The following ICA1 variants were observed in gnomAD, a reference collection of about 807,000 sequenced individuals.
ICA1 encodes the protein islet cell autoantigen 1.
In ICA1, 40 loss-of-function variants were observed where a neutral mutation model predicts 71.0. The ratio of observed to expected loss-of-function variants is 0.56; its 90% CI spans 0.44 to 0.73. The LOEUF is 0.73. Among genes scored for constraint, ICA1 ranks in the 30% least tolerant of loss-of-function variants. ICA1 has a pLI of 0.00. For synonymous variants in ICA1, 207 were observed against 209.5 expected, an observed-to-expected ratio of 0.99 and a Z score of 0.10; for missense variants, 578 against 576.5, an observed-to-expected ratio of 1.00 and a Z score of -0.03.
At chr7:8,143,782 T>G (rs1181544440) in intron 9 of ICA1, 93 bp downstream of exon 9, 1 of 764,154 alleles carries the variant, frequency 1.3e-6, no homozygotes, top group Non-Finnish European at 2.3e-6. Flanking sequence ...AAGACAAGTC[T>G]GCGTCTGAGG....
chr7:8,221,873 C>A (rs1236372527), intron 4 of ICA1, among the ~76,000 whole-genome samples: 3 of 152,062 alleles, frequency 2.0e-5, no homozygotes, highest in Non-Finnish European at 4.4e-5. Flanking sequence ...AGCTGTGACA[C>A]AGGTTTTTGG....
intron 6 of ICA1, among the ~76,000 whole-genome samples, chr7:8,170,216 T>C (rs1236921276): frequency 6.6e-6 from 1 of 152,066 alleles, no homozygotes; most frequent in Non-Finnish European, 1.5e-5. Context: ...TCTGTCCTTA[T>C]GCCAATACCA....
intron 12 of ICA1, among the ~76,000 whole-genome samples, chr7:8,133,040 G>T (rs1315612999): frequency 3.3e-5 from 5 of 152,218 alleles, no homozygotes; most frequent in Non-Finnish European, 7.3e-5. Context: ...AGGTGATTGG[G>T]TCATGAGGGC....
intron 6 of ICA1, among the ~76,000 whole-genome samples, chr7:8,186,555 G>A (rs543850415): frequency 2.8e-4 from 42 of 152,274 alleles, no homozygotes; most frequent in African/African-American, 9.9e-4. Flanking sequence ...CTATACAAAT[G>A]GAGACAGGGG....
intron 12 of ICA1, among the ~76,000 whole-genome samples, chr7:8,133,820 G>C (rs1792338824): frequency 6.9e-6 from 1 of 145,450 alleles, no homozygotes; most frequent in South Asian, 2.2e-4. Context: ...GGAACCTGAT[G>C]ATTTGTCCCA....
chr7:8,179,626 T>C (rs1039656199), intron 6 of ICA1, among the ~76,000 whole-genome samples: 7 of 152,228 alleles, frequency 4.6e-5, no homozygotes, highest in African/African-American at 1.4e-4. Context: ...TGTTTTCTTT[T>C]AGCATAATTA....
intron 5 of ICA1, among the ~76,000 whole-genome samples, chr7:8,220,836 G>C (rs758404340): frequency 2.6e-5 from 4 of 152,064 alleles, no homozygotes; most frequent in African/African-American, 9.7e-5. Context: ...GAGCAGTGTG[G>C]ACCTGGGCAT....
At chr7:8,169,929 T>TC in intron 6 of ICA1, among the ~76,000 whole-genome samples, 1 of 151,818 alleles carries the variant, frequency 6.6e-6, no homozygotes, top group African/African-American at 2.4e-5. Context: ...TGTGTGTGTT[T>TC]TAATGCCTGA....
intron 6 of ICA1, among the ~76,000 whole-genome samples, chr7:8,205,966 G>T (rs1281678949): frequency 6.6e-6 from 1 of 152,136 alleles, no homozygotes; most frequent in Non-Finnish European, 1.5e-5. Context: ...GTGTGGAGAT[G>T]GTTCCCTCTC....
At chr7:8,228,019 T>G (rs3823817) in intron 4 of ICA1, among the ~76,000 whole-genome samples, 27,921 of 152,106 alleles carry the variant, frequency 0.18, 6,779 homozygotes, top group African/African-American at 0.56. Flanking sequence ...CAAAAATATA[T>G]ACATTATATT....
chr7:8,152,654 CACCACCACCACCACCATT>C (rs1799457726), intron 8 of ICA1, among the ~76,000 whole-genome samples: 1 of 97,112 alleles, frequency 1.0e-5, no homozygotes, highest in Non-Finnish European at 2.2e-5. Flanking sequence ...CCACCACCAC[CACCACCACCACCACCATT>C]ATCTCCTTCA....
chr7:8,135,728 C>T lies in ICA1; in HGVS notation c.1060+3112G>A, dbSNP rs539429289. ...AGAATCACAAGTCTAGAAGTAGTAA[C>T]CAAGGAGGTAGCAGGAGATAAACAT... is the stretch of plus-strand genomic sequence containing the variant. On this transcript the variant is annotated intron_variant, in intron 12 of 13. Coordinates refer to ENST00000402384, the MANE Select transcript of ICA1 (RefSeq NM_001136020.3). Among the ~76,000 whole-genome samples the T allele has an allele frequency of 3.9e-5, 6 of 152,196 alleles. No homozygotes were observed. In the East Asian group the frequency reaches 1.2e-3, roughly 29 times the overall value.
chr7:8,113,250 A>C lies in ICA1; in HGVS notation c.*673T>G, dbSNP rs1783747591. The C allele has an allele frequency of 6.6e-6, 1 of 151,776 alleles. No individual in the cohort carries two copies. Among genetic ancestry groups the C allele is most frequent in the Admixed American group, 6.6e-5 (1 of 15,240 alleles). The allele number at this position is 151,776 out of a possible 1,614,324, so 9.4% of individuals were successfully genotyped here. A position where few individuals can be genotyped will look rare whatever the true frequency, so the allele number is the denominator to read the frequency against. The stretch of plus-strand genomic sequence containing the variant: ...AAAAAACAATGTCACAAGAGGCTTC[A>C]GAAATACATGCTTTTGAATTCCAGC... On this transcript the variant is annotated 3_prime_UTR_variant, in exon 14 of 14. Coordinates refer to ENST00000402384, the MANE Select transcript of ICA1 (RefSeq NM_001136020.3). The surrounding 1 kb of genome is among the most constrained non-coding windows in gnomAD (Gnocchi z 4.2).
intron 10 of ICA1, among the ~76,000 whole-genome samples, chr7:8,139,941 A>G (rs1265959830): frequency 2.0e-5 from 3 of 152,206 alleles, no homozygotes; most frequent in Non-Finnish European, 4.4e-5. Flanking sequence ...AAGAAATATG[A>G]TACTTCATTA....
intron 8 of ICA1, among the ~76,000 whole-genome samples, chr7:8,148,447 T>C (rs1240137000): frequency 6.6e-6 from 1 of 152,204 alleles, no homozygotes; most frequent in Non-Finnish European, 1.5e-5. Flanking sequence ...TAGATTTATT[T>C]CAGTGTTAAA....
At chr7:8,196,510 G>A (rs1435491744) in intron 6 of ICA1, among the ~76,000 whole-genome samples, 1 of 152,154 alleles carries the variant, frequency 6.6e-6, no homozygotes, top group Non-Finnish European at 1.5e-5. Context: ...GACTTTGGTT[G>A]ATAATAATGT....
Position 8,219,909 on chromosome 7 carries a change from T to G in ICA1, c.380+1366A>C, listed in dbSNP as rs911405888. Among the ~76,000 whole-genome samples, 23 of 152,230 alleles carry G rather than the reference T, an allele frequency of 1.5e-4. 1 individual carries two copies. The highest frequency in any genetic ancestry group is 5.2e-4 in the Admixed American group (8 of 15,282). On this transcript the variant is annotated intron_variant, in intron 5 of 13. Coordinates refer to ENST00000402384, the MANE Select transcript of ICA1 (RefSeq NM_001136020.3). ...CTGAAGTTAGTGATAATTATATGTT[T>G]AACACATGACAACTTACTCTATGAA...
intron 6 of ICA1, among the ~76,000 whole-genome samples, chr7:8,209,116 A>T (rs1792700716): frequency 6.6e-6 from 1 of 152,244 alleles, no homozygotes; most frequent in Admixed American, 6.5e-5. Flanking sequence ...GGACCAGATC[A>T]GTTCACACAG....
chr7:8,202,636 A>G (rs564452329), intron 6 of ICA1, among the ~76,000 whole-genome samples: 18 of 152,320 alleles, frequency 1.2e-4, no homozygotes, highest in African/African-American at 4.1e-4. Context: ...CTGGGGATGA[A>G]TGAGAATTAC....
Sources: gnomAD v4.1 joint callset for allele counts (sites outside exome capture counted in the v4.1 genomes callset) on GRCh38, gnomAD v4.1.1 for gene constraint, Gnocchi (gnomAD v3.1) non-coding constraint, MANE v1.5 for transcripts, NCBI Gene and HGNC (gene_info 2026-07-23, HGNC 2026-07-21) for gene names.